KCNQ5: variants seen among roughly 807,000 people sequenced by gnomAD.
KCNQ5 encodes the protein potassium voltage-gated channel subfamily Q member 5.
Under a neutral mutation model 98.2 loss-of-function variants are expected in KCNQ5, and 30 were observed. That is an observed-to-expected ratio of 0.31 (90% confidence interval 0.23 to 0.41). The LOEUF (loss-of-function observed/expected upper bound fraction) is 0.41. KCNQ5 is among the 10% of genes least tolerant of loss of function. The pLI is 1.00. For synonymous variants in KCNQ5, 458 were observed against 449.4 expected (o/e 1.02, Z -0.24); for missense variants, 835 against 1,182.5 (o/e 0.71, Z 4.31).
intron 1 of KCNQ5, among the ~76,000 whole-genome samples, chr6:72,673,359 T>A (rs1302766523): frequency 2.6e-5 from 4 of 152,212 alleles, no homozygotes; most frequent in African/African-American, 9.7e-5. Context: ...GTGTATTTTC[T>A]TCCTTGAAAT....
intron 1 of KCNQ5, among the ~76,000 whole-genome samples, chr6:72,943,817 T>A (rs1260255710): frequency 6.6e-6 from 1 of 152,220 alleles, no homozygotes; most frequent in East Asian, 1.9e-4. Flanking sequence ...AAGATTTAGC[T>A]CCTACTTTGC....
intron 1 of KCNQ5, among the ~76,000 whole-genome samples, chr6:72,727,258 C>T (rs1770332305): frequency 6.6e-6 from 1 of 152,190 alleles, no homozygotes; most frequent in Non-Finnish European, 1.5e-5. Flanking sequence ...ACTTCTAGCT[C>T]CTGGGCTAGA....
intron 1 of KCNQ5, among the ~76,000 whole-genome samples, chr6:72,992,708 T>C (rs1159378382): frequency 1.0e-5 from 1 of 95,538 alleles, no homozygotes; most frequent in Non-Finnish European, 2.0e-5. Flanking sequence ...CATTATGATG[T>C]TAGCTGGTGA....
chr6:73,141,882 C>T (rs570615090), intron 10 of KCNQ5, among the ~76,000 whole-genome samples: 1 of 152,310 alleles, frequency 6.6e-6, no homozygotes, highest in African/African-American at 2.4e-5. Flanking sequence ...TTTGAAATAA[C>T]ACATACTTAT....
intron 3 of KCNQ5, among the ~76,000 whole-genome samples, chr6:73,075,402 T>C (rs1773490342): frequency 6.6e-6 from 1 of 152,066 alleles, no homozygotes; most frequent in African/African-American, 2.4e-5. Context: ...TTTGTATTTT[T>C]AGTAGAGACA....
At position 72,685,292 on chromosome 6, in the gene KCNQ5, T is replaced by A. The variant is rs191109550; in HGVS notation, c.398+62705T>A. 2.1e-3 allele frequency among the ~76,000 whole-genome samples: 327 copies of A among 152,306 alleles called. 5 individuals carry two copies. Among genetic ancestry groups the A allele is most frequent in the Admixed American group, 0.019 (288 of 15,298 alleles). On this transcript the variant is annotated intron_variant, in intron 1 of 13. Coordinates refer to ENST00000370398, the MANE Select transcript of KCNQ5 (RefSeq NM_019842.4). ...TACTCACTAAGAGGTTTGCTTAGAG[T>A]AAATCCCTCAGTCAAGAGAAACATA...
chr6:72,658,579 T>TATATATATATATATATATA (rs34408725), intron 1 of KCNQ5, among the ~76,000 whole-genome samples: 12 of 69,636 alleles, frequency 1.7e-4, no homozygotes, highest in African/African-American at 2.7e-4. Flanking sequence ...TATATATATA[T>TATATATATATATATATATA]TTTTTTTTTT....
At chr6:72,915,050 A>T (rs1338191444) in intron 1 of KCNQ5, among the ~76,000 whole-genome samples, 1 of 152,222 alleles carries the variant, frequency 6.6e-6, no homozygotes, top group East Asian at 1.9e-4. Flanking sequence ...TACAAGAACC[A>T]GAACATAGAA....
intron 3 of KCNQ5, among the ~76,000 whole-genome samples, chr6:73,076,681 C>T (rs1480396008): frequency 6.6e-6 from 1 of 152,106 alleles, no homozygotes; most frequent in African/African-American, 2.4e-5. Flanking sequence ...CAAACTTACA[C>T]ATAATTGGTG....
chr6:73,115,084 G>A (rs1390416486), intron 7 of KCNQ5, among the ~76,000 whole-genome samples: 1 of 151,902 alleles, frequency 6.6e-6, no homozygotes, highest in African/African-American at 2.4e-5. Context: ...TGGGAGGATT[G>A]CTTGAGTTCA....
chr6:72,622,660 G>T lies in KCNQ5; in HGVS notation c.398+73G>T, dbSNP rs540750189. On this transcript the variant is annotated intron_variant, in intron 1 of 13. Coordinates refer to ENST00000370398, the MANE Select transcript of KCNQ5 (RefSeq NM_019842.4). This position sits in a 1 kb window ranked among gnomAD's most constrained non-coding sequence, Gnocchi z 6.0. ...CCTGGCCCCCTGGGGCGTGCTCCGC[G>T]CTCGCGCCCTTGGGCCCCCGCGCGC... The T allele has an allele frequency of 1.3e-6, 2 of 1,556,768 alleles. No individual in the cohort carries two copies. The highest frequency in any genetic ancestry group is 1.7e-6 in the Non-Finnish European group (2 of 1,147,510).
intron 1 of KCNQ5, among the ~76,000 whole-genome samples, chr6:72,926,624 A>G (rs1038714972): frequency 1.9e-4 from 29 of 152,124 alleles, no homozygotes; most frequent in Non-Finnish European, 4.0e-4. Context: ...GTAATTGTGA[A>G]GGTTTGAAAT....
intron 1 of KCNQ5, among the ~76,000 whole-genome samples, chr6:72,855,374 G>A (rs983847411): frequency 2.0e-5 from 3 of 151,736 alleles, no homozygotes; most frequent in African/African-American, 7.2e-5. Context: ...TTAAAAGAAG[G>A]AATTATTAAA....
chr6:72,910,561 GGGGTGTGT>G (rs1394449087), intron 1 of KCNQ5, among the ~76,000 whole-genome samples: 4,027 of 102,908 alleles, frequency 0.039, 106 homozygotes, highest in African/African-American at 0.087. Context: ...GAAAGGTAGG[GGGGTGTGT>G]GTGTGTGTGT....
intron 1 of KCNQ5, among the ~76,000 whole-genome samples, chr6:72,679,228 T>A (rs1228597287): frequency 1.3e-5 from 2 of 152,170 alleles, no homozygotes; most frequent in African/African-American, 2.4e-5. Flanking sequence ...ACAGGGTATA[T>A]ACCCAAAGGA....
chr6:72,672,675 A>C (rs1317830922), intron 1 of KCNQ5, among the ~76,000 whole-genome samples: 1 of 152,138 alleles, frequency 6.6e-6, no homozygotes, highest in African/African-American at 2.4e-5. Flanking sequence ...CCCCTGCCGT[A>C]CCTACCTTAC....
chr6:72,772,308 G>A (rs952911785), intron 1 of KCNQ5, among the ~76,000 whole-genome samples: 2 of 151,992 alleles, frequency 1.3e-5, no homozygotes, highest in Non-Finnish European at 2.9e-5. Flanking sequence ...GCCTCTAATA[G>A]CCTATTTTAT....
intron 2 of KCNQ5, among the ~76,000 whole-genome samples, chr6:73,011,003 T>C (rs545976690): frequency 2.4e-4 from 37 of 152,128 alleles, no homozygotes; most frequent in African/African-American, 8.9e-4. Flanking sequence ...CTTGCAGAAA[T>C]AGAAAAACCC....
intron 1 of KCNQ5, among the ~76,000 whole-genome samples, chr6:72,714,101 G>A (rs1769517951): frequency 6.6e-6 from 1 of 152,114 alleles, no homozygotes; most frequent in Admixed American, 6.5e-5. Flanking sequence ...TTATTTCTCT[G>A]TAAGAACAAT....
Sources: gnomAD v4.1 joint callset for allele counts (sites outside exome capture counted in the v4.1 genomes callset) on GRCh38, gnomAD v4.1.1 for gene constraint, Gnocchi (gnomAD v3.1) non-coding constraint, MANE v1.5 for transcripts, NCBI Gene and HGNC (gene_info 2026-07-23, HGNC 2026-07-21) for gene names.